Variants in ROBO2 observed in about 807,000 individuals in gnomAD.
ROBO2 encodes roundabout homolog 2.
A neutral mutation model predicts 160.8 loss-of-function variants in ROBO2; 53 were observed. That is an observed-to-expected ratio of 0.33 (90% CI 0.26 to 0.41). The LOEUF is 0.41. Ranked by LOEUF, ROBO2 falls within the 10% of genes least tolerant of loss-of-function variation. The pLI is 1.00. For missense variants in ROBO2, 1,577 were observed against 1,722.4 expected (o/e 0.92, Z 1.49); for synonymous variants, 664 against 611.7 (o/e 1.09, Z -1.26).
chr3:76,891,820 A>G (rs2074365376), intron 2 of ROBO2, among the ~76,000 whole-genome samples: 2 of 152,204 alleles, frequency 1.3e-5, no homozygotes, highest in South Asian at 4.1e-4. Context: ...TGGAAGTAGT[A>G]GACTAAAAAG....
At chr3:76,801,518 A>G (rs893649336) in intron 2 of ROBO2, among the ~76,000 whole-genome samples, 3 of 152,024 alleles carry the variant, frequency 2.0e-5, no homozygotes, top group African/African-American at 7.2e-5. Context: ...GTATGCAAAT[A>G]TCTCATGTAC....
At chr3:76,203,108 T>G (rs546064329) in intron 2 of ROBO2, among the ~76,000 whole-genome samples, 1 of 152,230 alleles carries the variant, frequency 6.6e-6, no homozygotes, top group African/African-American at 2.4e-5. Context: ...AGGCAAAAAT[T>G]TAACTGATTG....
At chr3:76,864,652 A>G (rs376811761) in intron 2 of ROBO2, among the ~76,000 whole-genome samples, 1 of 152,050 alleles carries the variant, frequency 6.6e-6, no homozygotes, top group East Asian at 1.9e-4. Flanking sequence ...TTTGCCATAA[A>G]TAAAGAAAAA....
At chr3:77,362,202 T>A (rs547401963) in intron 2 of ROBO2, among the ~76,000 whole-genome samples, 9 of 152,144 alleles carry the variant, frequency 5.9e-5, no homozygotes, top group African/African-American at 1.9e-4. Flanking sequence ...GAGGCTGACT[T>A]TAGTCAGGTC....
At chr3:77,278,949 C>T (rs541095958) in intron 2 of ROBO2, among the ~76,000 whole-genome samples, 5 of 152,138 alleles carry the variant, frequency 3.3e-5, no homozygotes, top group South Asian at 4.1e-4. Flanking sequence ...ATTAGTTAAC[C>T]GCTTACTAAA....
intron 2 of ROBO2, among the ~76,000 whole-genome samples, chr3:77,461,782 C>CA (rs2082269908): frequency 6.6e-6 from 1 of 150,876 alleles, no homozygotes; most frequent in Non-Finnish European, 1.5e-5. Context: ...GGCTGGAGTG[C>CA]AGTGGCACTA....
At chr3:76,918,632 C>T (rs1459809833) in intron 2 of ROBO2, among the ~76,000 whole-genome samples, 3 of 151,962 alleles carry the variant, frequency 2.0e-5, no homozygotes, top group Non-Finnish European at 4.4e-5. Context: ...TTTTTTGGTT[C>T]ATTTGCCTAT....
At chr3:77,537,523 CTT>C (rs1050349087) in intron 6 of ROBO2, among the ~76,000 whole-genome samples, 42 of 152,118 alleles carry the variant, frequency 2.8e-4, no homozygotes, top group African/African-American at 1.0e-3. Context: ...ATTCTATTCT[CTT>C]TGATTATTTT....
intron 2 of ROBO2, among the ~76,000 whole-genome samples, chr3:77,395,228 T>G (rs1197731379): frequency 6.6e-6 from 1 of 152,170 alleles, no homozygotes; most frequent in Non-Finnish European, 1.5e-5. Context: ...ATTCTTATTT[T>G]TAATTTCTCC....
chr3:76,027,001 C>T (rs1201201610), intron 2 of ROBO2, among the ~76,000 whole-genome samples: 1 of 151,878 alleles, frequency 6.6e-6, no homozygotes, highest in Non-Finnish European at 1.5e-5. Context: ...CTGGGACAAT[C>T]CAACATTTGT....
intron 24 of ROBO2, among the ~76,000 whole-genome samples, chr3:77,635,899 A>G (rs969752057): frequency 1.4e-4 from 21 of 152,138 alleles, no homozygotes; most frequent in Non-Finnish European, 2.6e-4. Flanking sequence ...TTTCTCCACA[A>G]ATCTGGACTC....
chr3:77,644,876 C>T, exon 25 of ROBO2: 2 of 1,614,056 alleles, frequency 1.2e-6, no homozygotes, highest in Non-Finnish European at 1.7e-6. Context: ...TGGGCTCCAA[C>T]AGTCAAGGAC....
rs376365114 is a variant in ROBO2, at chr3:77,293,123, C to G, written c.389-184291C>G. Reference sequence around the variant, plus strand: ...TTAAACGGGTAAGCTGAGGCTAGATCACCCCAGACATAAAGTAAAATTGAT... The same window carrying G: ...TTAAACGGGTAAGCTGAGGCTAGATGACCCCAGACATAAAGTAAAATTGAT... On this transcript the variant is annotated intron_variant, in intron 2 of 25. Transcript: ENST00000461745. 1.4e-4 allele frequency among the ~76,000 whole-genome samples: 21 copies of G among 149,760 alleles called. No homozygotes were observed. In the East Asian group the frequency reaches 3.6e-3, roughly 26 times the overall value.
At chr3:76,569,018 C>A (rs769639265) in intron 2 of ROBO2, among the ~76,000 whole-genome samples, 11 of 152,100 alleles carry the variant, frequency 7.2e-5, no homozygotes, top group Non-Finnish European at 1.2e-4. Flanking sequence ...ATTTAGATAT[C>A]GATTATTCAA....
chr3:77,400,097 A>G (rs1259025936), intron 2 of ROBO2, among the ~76,000 whole-genome samples: 1 of 152,206 alleles, frequency 6.6e-6, no homozygotes, highest in African/African-American at 2.4e-5. Context: ...AAGCATTGAC[A>G]TTGATTAAAT....
chr3:77,343,105 C>T (rs543809866), intron 2 of ROBO2, among the ~76,000 whole-genome samples: 1 of 148,966 alleles, frequency 6.7e-6, no homozygotes, highest in African/African-American at 2.4e-5. Flanking sequence ...TATAAGACCA[C>T]AATCTTATTG....
chr3:77,412,813 G>A (rs1232287686), intron 2 of ROBO2, among the ~76,000 whole-genome samples: 1 of 152,204 alleles, frequency 6.6e-6, no homozygotes, highest in Non-Finnish European at 1.5e-5. Flanking sequence ...CTGCCCTGGG[G>A]CACTGGGCTG....
chr3:76,989,706 A>T (rs2060565869), intron 2 of ROBO2, among the ~76,000 whole-genome samples: 1 of 152,130 alleles, frequency 6.6e-6, no homozygotes, highest in Non-Finnish European at 1.5e-5. Context: ...TCCATATTTC[A>T]GTAAGACTGG....
intron 2 of ROBO2, among the ~76,000 whole-genome samples, chr3:76,379,347 TA>T (rs1040701911): frequency 1.3e-5 from 2 of 152,124 alleles, no homozygotes; most frequent in African/African-American, 4.8e-5. Flanking sequence ...ATTTTTTCAA[TA>T]AAAAATATTT....
Sources: allele counts gnomAD v4.1 joint callset (sites outside exome capture counted in the v4.1 genomes callset), GRCh38; gene constraint gnomAD v4.1.1; transcripts MANE v1.5; gene names NCBI Gene and HGNC (gene_info 2026-07-23, HGNC 2026-07-21).